The following POGZ variants were observed in gnomAD, a reference collection of about 807,000 sequenced individuals.
POGZ encodes pogo transposable element with ZNF domain.
In POGZ, 17 loss-of-function variants were observed where a neutral mutation model predicts 134.6. The ratio of observed to expected loss-of-function variants is 0.13; its 90% CI spans 0.09 to 0.19. The LOEUF (loss-of-function observed/expected upper bound fraction) is 0.19, where lower values mean the gene tolerates loss of function less well. Among genes scored for constraint, POGZ ranks in the 10% least tolerant of loss-of-function variants. The probability of loss-of-function intolerance (pLI) is 1.00; values close to 1 mark genes in which losing one functional copy is unlikely to be tolerated. For missense variants in POGZ, 1,306 were observed against 1,769.7 expected, an observed-to-expected ratio of 0.74 and a Z score of 4.70; for synonymous variants, 693 against 657.1, an observed-to-expected ratio of 1.05 and a Z score of -0.84.
At chr1:151,439,365 C>T (rs1660149513) in intron 3 of POGZ, among the ~76,000 whole-genome samples, 1 of 152,122 alleles carries the variant, frequency 6.6e-6, no homozygotes, top group Non-Finnish European at 1.5e-5. Context: ...ATCATATTTT[C>T]AGTACCCAAA....
chr1:151,418,461 G>A (rs952598650), intron 10 of POGZ, among the ~76,000 whole-genome samples: 3 of 152,152 alleles, frequency 2.0e-5, no homozygotes, highest in Admixed American at 6.5e-5. Context: ...GAGAGTTGAA[G>A]AGAAGCTGAT....
intron 7 of POGZ, among the ~76,000 whole-genome samples, chr1:151,425,561 A>C (rs1481512997): frequency 2.6e-5 from 4 of 152,082 alleles, no homozygotes; most frequent in Non-Finnish European, 5.9e-5. Context: ...TGTCTCTATG[A>C]ATTTGACTAC....
rs565923819 is a variant in POGZ, at chr1:151,428,377, A to G, written c.605T>C (p.Val202Ala). 6.2e-7 allele frequency: 1 copy of G among 1,613,452 alleles called. No individual in the cohort carries two copies. Among genetic ancestry groups the G allele is most frequent in the African/African-American group, 1.3e-5 (1 of 74,984 alleles). ...GTQFVKPTVG[V>A]PQVFSQMTPV... ...GGTCATCTGGGAGAACACTTGTGGAACTCCAACTGTCGGCTTAACAAACTG... is the reference window on the plus strand; with the variant it reads ...GGTCATCTGGGAGAACACTTGTGGAGCTCCAACTGTCGGCTTAACAAACTG... The change falls in exon 6 of 19, where the codon GTT (valine) becomes GCT (alanine). Residue 202 changes from valine (V) to alanine (A), a missense_variant. Physicochemically the swap from Val to Ala is moderately conservative, Grantham distance 64 (BLOSUM62 0). This residue lies in a region of POGZ where 541 missense variants were observed against 680.5 expected (regional missense o/e 0.80). Transcript: ENST00000271715.
intron 13 of POGZ, 42 bp downstream of exon 13, chr1:151,408,652 C>T: frequency 1.2e-6 from 2 of 1,605,778 alleles, no homozygotes; most frequent in African/African-American, 1.3e-5. Context: ...ATCTCTATTC[C>T]TCCCTCCCTG....
intron 7 of POGZ, 59 bp downstream of exon 7, chr1:151,427,764 A>C: frequency 1.8e-6 from 2 of 1,105,626 alleles, no homozygotes; most frequent in Non-Finnish European, 1.4e-6. Flanking sequence ...CTGATACAAC[A>C]AACACTTTAT....
intron 7 of POGZ, 148 bp from the exon 8 acceptor site, chr1:151,425,209 G>T (rs1285800046): frequency 1.9e-6 from 1 of 538,230 alleles, no homozygotes; most frequent in Non-Finnish European, 3.5e-6. Flanking sequence ...GTTTGTTTTT[G>T]TTTTTTTTGA....
intron 3 of POGZ, among the ~76,000 whole-genome samples, chr1:151,435,283 A>AT (rs1659392900): frequency 6.6e-6 from 1 of 152,222 alleles, no homozygotes; most frequent in South Asian, 2.1e-4. Context: ...GAAAACCATA[A>AT]TTAGTTATAC....
At chr1:151,440,027 G>C (rs749883108) in intron 3 of POGZ, among the ~76,000 whole-genome samples, 1 of 152,114 alleles carries the variant, frequency 6.6e-6, no homozygotes, top group Non-Finnish European at 1.5e-5. Flanking sequence ...AAGGCAGGCA[G>C]AGTAATGTAC....
chr1:151,404,268 GTTT>G lies in POGZ; in HGVS notation c.*531_*533del, dbSNP rs947164086. On this transcript the variant is annotated 3_prime_UTR_variant, in exon 19 of 19. Transcript: ENST00000271715. ...AAGTGTTAAGACCACAATGAAAAAAGTTTTTTATCCATATATATAATAAACCAG... is the reference window on the plus strand; with the variant it reads ...AAGTGTTAAGACCACAATGAAAAAAGTTTATCCATATATATAATAAACCAG... 1.9e-5 allele frequency: 19 copies of G among 983,324 alleles called. No homozygotes were observed. The highest frequency in any genetic ancestry group is 7.0e-5 in the African/African-American group (4 of 57,122). The allele number at this position is 983,324 out of a possible 1,614,324, so 60.9% of individuals were successfully genotyped here.
chr1:151,414,533 A>T (rs1460474278), intron 10 of POGZ, among the ~76,000 whole-genome samples: 1 of 152,260 alleles, frequency 6.6e-6, no homozygotes, highest in East Asian at 1.9e-4. Context: ...CTGTAATCCC[A>T]ACACTTTGGG....
Position 151,459,347 on chromosome 1 carries a change from G to C in POGZ, c.-197C>G, listed in dbSNP as rs1173858391. The C allele has an allele frequency of 1.3e-5, 2 of 151,096 alleles. No individual in the cohort carries two copies. Among genetic ancestry groups the C allele is most frequent in the Middle Eastern group, 3.2e-3 (1 of 310 alleles). 9.4% of individuals were successfully genotyped at this position (151,096 alleles called of 1,614,324 possible). Reference sequence around the variant, plus strand: ...AGCCTCCCTCGGGTTCGAGTGATTCGGGGTGGATTTTTTTCCCGAGGGGGG... The same window carrying C: ...AGCCTCCCTCGGGTTCGAGTGATTCCGGGTGGATTTTTTTCCCGAGGGGGG... On this transcript the variant is annotated 5_prime_UTR_variant, in exon 1 of 19. Transcript: ENST00000271715.
chr1:151,424,734 C>T (rs1196792277), intron 8 of POGZ, among the ~76,000 whole-genome samples: 1 of 152,184 alleles, frequency 6.6e-6, no homozygotes, highest in African/African-American at 2.4e-5. Context: ...AAATCTACCA[C>T]ACTAAGAAAG....
chr1:151,441,241 C>T (rs1465475537), intron 2 of POGZ, among the ~76,000 whole-genome samples, 155 bp from the exon 3 acceptor site: 1 of 152,204 alleles, frequency 6.6e-6, no homozygotes, highest in African/African-American at 2.4e-5. Flanking sequence ...TCTCCTCCTA[C>T]TTAACCCTTA....
At chr1:151,447,643 T>A (rs866095210) in intron 1 of POGZ, among the ~76,000 whole-genome samples, 12 of 8,020 alleles carry the variant, frequency 1.5e-3, no homozygotes, top group African/African-American at 3.4e-3. Flanking sequence ...GTCTGGCTAA[T>A]TTTTTTTTTT....
intron 10 of POGZ, among the ~76,000 whole-genome samples, chr1:151,412,737 T>C (rs114455663): frequency 1.4e-3 from 213 of 152,266 alleles, no homozygotes; most frequent in African/African-American, 4.9e-3. Flanking sequence ...GCTCAAAATT[T>C]AGGCACTATC....
At chr1:151,417,698 AC>A (rs1318680243) in intron 10 of POGZ, among the ~76,000 whole-genome samples, 2 of 128,152 alleles carry the variant, frequency 1.6e-5, no homozygotes, top group African/African-American at 6.6e-5. Flanking sequence ...CCACACACAC[AC>A]ACACACACAC....
chr1:151,430,877 T>C (rs1658567845), intron 3 of POGZ, 36 bp from the exon 4 acceptor site: 1 of 1,437,910 alleles, frequency 7.0e-7, no homozygotes, highest in Non-Finnish European at 9.3e-7. Flanking sequence ...AAAGGAATGT[T>C]AGAAACAATG....
intron 1 of POGZ, among the ~76,000 whole-genome samples, chr1:151,455,619 A>G (rs1006737673): frequency 2.6e-5 from 4 of 152,250 alleles, no homozygotes; most frequent in Admixed American, 6.5e-5. Context: ...CAAGCCCATT[A>G]TAAGTTAACA....
chr1:151,443,714 C>A (rs1557940936), intron 1 of POGZ, among the ~76,000 whole-genome samples: 1 of 151,384 alleles, frequency 6.6e-6, no homozygotes, highest in African/African-American at 2.4e-5. Context: ...AAGTCCATCT[C>A]AAAAAAAATA....
Sources: gnomAD v4.1 joint callset for allele counts (sites outside exome capture counted in the v4.1 genomes callset) on GRCh38, gnomAD v4.1.1 for gene constraint, gnomAD v4.1.1 regional missense constraint, MANE v1.5 for transcripts, NCBI Gene and HGNC (gene_info 2026-07-23, HGNC 2026-07-21) for gene names.